CWF19L2: variants seen among roughly 807,000 people sequenced by gnomAD.
The protein encoded by CWF19L2 is CWF19 like cell cycle control factor 2, also known as CWF19-like protein 2.
Under a neutral mutation model 111.7 loss-of-function variants are expected in CWF19L2, and 98 were observed. The ratio of observed to expected loss-of-function variants is 0.88; its 90% CI spans 0.75 to 1.04. The LOEUF is 1.04. CWF19L2 is among the 50% of genes least tolerant of loss of function. CWF19L2 has a pLI of 0.00. For missense variants in CWF19L2, 1,101 were observed against 1,051.4 expected, an observed-to-expected ratio of 1.05 and a Z score of -0.65; for synonymous variants, 351 against 342.9, an observed-to-expected ratio of 1.02 and a Z score of -0.26.
intron 12 of CWF19L2, among the ~76,000 whole-genome samples, chr11:107,356,939 G>A (rs1177275879): frequency 6.6e-6 from 1 of 152,310 alleles, no homozygotes; most frequent in East Asian, 1.9e-4. Context: ...TCAGGAGGCT[G>A]AGGCAGGAGA....
intron 12 of CWF19L2, among the ~76,000 whole-genome samples, chr11:107,386,271 C>A (rs1424396715): frequency 1.3e-5 from 2 of 152,120 alleles, no homozygotes; most frequent in Non-Finnish European, 2.9e-5. Flanking sequence ...ACCTTGGCCT[C>A]CCAAAGTGCT....
intron 1 of CWF19L2, among the ~76,000 whole-genome samples, chr11:107,456,555 G>A (rs1290243157): frequency 6.6e-6 from 1 of 151,346 alleles, no homozygotes; most frequent in Non-Finnish European, 1.5e-5. Flanking sequence ...TTTAAAACCT[G>A]GCTGTAGTCA....
chr11:107,434,278 A>C lies in CWF19L2; in HGVS notation c.665-529T>G, dbSNP rs141318122. Among the ~76,000 whole-genome samples, 34 of 152,266 alleles carry C rather than the reference A, an allele frequency of 2.2e-4. No homozygotes were observed. The East Asian group carries it at 6.6e-3, about 29-fold the overall frequency. ...ACAAATAAGGAGGCTATGGAAGATAATGCCAAAGTGGATGTTAAAACAAAT... is the reference window on the plus strand; with the variant it reads ...ACAAATAAGGAGGCTATGGAAGATACTGCCAAAGTGGATGTTAAAACAAAT... On this transcript the variant is annotated intron_variant, in intron 6 of 17. Transcript: ENST00000282251.
At chr11:107,380,099 ACT>A (rs1362919614) in intron 12 of CWF19L2, among the ~76,000 whole-genome samples, 1 of 149,532 alleles carries the variant, frequency 6.7e-6, no homozygotes, top group Admixed American at 6.7e-5. Flanking sequence ...TTGAATAAAA[ACT>A]CTATGAAAAC....
intron 3 of CWF19L2, among the ~76,000 whole-genome samples, chr11:107,444,671 G>A (rs1345958102): frequency 6.6e-6 from 1 of 152,072 alleles, no homozygotes; most frequent in Non-Finnish European, 1.5e-5. Flanking sequence ...CAGTTGGATG[G>A]CATGCTAAAC....
intron 12 of CWF19L2, among the ~76,000 whole-genome samples, chr11:107,354,792 G>T (rs536058144): frequency 1.3e-5 from 2 of 152,296 alleles, no homozygotes; most frequent in South Asian, 4.1e-4. Context: ...CAGTTATTCT[G>T]TCCTTGGCAT....
rs767099135 is a variant in CWF19L2, at chr11:107,402,871, G to GTATATATA, written c.1618-9977_1618-9976insTATATATA. Among the ~76,000 whole-genome samples the GTATATATA allele has an allele frequency of 5.1e-3, 290 of 57,064 alleles. 29 individuals carry two copies. The highest frequency in any genetic ancestry group is 0.012 in the Admixed American group (53 of 4,460). 37.4% of individuals were successfully genotyped at this position (57,064 alleles called of 152,430 possible). On this transcript the variant is annotated intron_variant, in intron 10 of 17. Transcript: ENST00000282251. The stretch of plus-strand genomic sequence containing the variant: ...AACGAGTGGATAAACAAACTGTGGT[G>GTATATATA]TGTATATATATATATATATATATAT...
intron 14 of CWF19L2, among the ~76,000 whole-genome samples, chr11:107,344,317 T>C (rs1004756031): frequency 2.0e-5 from 3 of 152,212 alleles, no homozygotes; most frequent in African/African-American, 7.2e-5. Context: ...AGTCAAAACT[T>C]CTTTCCTCCT....
At chr11:107,387,049 T>TC (rs1860777328) in intron 12 of CWF19L2, among the ~76,000 whole-genome samples, 1 of 148,022 alleles carries the variant, frequency 6.8e-6, no homozygotes, top group South Asian at 2.1e-4. Context: ...CGAGACCCCG[T>TC]CTCAAAAAAA....
chr11:107,348,027 CAA>C (rs1018249983), intron 14 of CWF19L2, among the ~76,000 whole-genome samples: 8 of 152,172 alleles, frequency 5.3e-5, no homozygotes, highest in African/African-American at 1.7e-4. Context: ...TAGGAAAACG[CAA>C]ACTTTCACAT....
Position 107,390,218 on chromosome 11 carries a change from C to T in CWF19L2, c.1735-7G>A, listed in dbSNP as rs1490587045. On this transcript the variant is annotated splice_polypyrimidine_tract_variant and splice_region_variant and intron_variant, in intron 11 of 17. Coordinates refer to ENST00000282251, the MANE Select transcript of CWF19L2 (RefSeq NM_152434.3). The stretch of plus-strand genomic sequence containing the variant: ...TTTCCTCATGGGTTGAAACCTATGA[C>T]AAAATGAACATTATTAATTTAATGA... 1.9e-6 allele frequency: 3 copies of T among 1,578,044 alleles called. No homozygotes were observed. Among genetic ancestry groups the T allele is most frequent in the East Asian group, 4.5e-5 (2 of 44,148 alleles).
intron 5 of CWF19L2, among the ~76,000 whole-genome samples, chr11:107,441,233 AGTTCACTTTCAATTTAATGATAT>A (rs934629377): frequency 6.6e-6 from 1 of 152,234 alleles, no homozygotes; most frequent in African/African-American, 2.4e-5. Flanking sequence ...AAATTGAGTG[AGTTCACTTTCAATTTAATGATAT>A]TAAACTCAAT....
intron 10 of CWF19L2, among the ~76,000 whole-genome samples, chr11:107,398,105 T>C (rs899061631): frequency 2.0e-5 from 3 of 152,118 alleles, no homozygotes; most frequent in African/African-American, 7.2e-5. Flanking sequence ...CCTGGTAATA[T>C]GACAAAACAA....
chr11:107,417,463 C>T (rs989948028), intron 9 of CWF19L2, among the ~76,000 whole-genome samples: 1 of 152,156 alleles, frequency 6.6e-6, no homozygotes, highest in African/African-American at 2.4e-5. Flanking sequence ...AGGCACAGCA[C>T]ATTTACTTAA....
intron 12 of CWF19L2, among the ~76,000 whole-genome samples, chr11:107,361,514 T>C (rs181083497): frequency 3.3e-5 from 5 of 152,288 alleles, no homozygotes; most frequent in Non-Finnish European, 7.4e-5. Flanking sequence ...CTGTGAAAAA[T>C]GCTGTTGGTA....
rs754780873 is a variant in CWF19L2 at position 107,428,971 on chromosome 11, G to A, written c.1261C>T (p.Arg421Cys). 31 of 1,613,546 alleles carry A rather than the reference G, an allele frequency of 1.9e-5. No homozygotes were observed. In the East Asian group the frequency reaches 2.0e-4, roughly 10 times the overall value. ...TTCTTGTCTCCTCTCCCATCAGAGC[G>A]ACTCCATGATGTTAATCTTTCTTCA... ...NSEERLTSWS[R>C]SDGRGDKKHS... Residue 421 changes from arginine to cysteine, a missense_variant, in exon 8 of 18, where the codon CGC becomes TGC. Physicochemically the swap from Arg to Cys is radical, Grantham distance 180. Coordinates refer to ENST00000282251, the MANE Select transcript of CWF19L2 (RefSeq NM_152434.3).
At chr11:107,404,875 T>C (rs1189357655) in intron 10 of CWF19L2, among the ~76,000 whole-genome samples, 1 of 152,194 alleles carries the variant, frequency 6.6e-6, no homozygotes, top group Non-Finnish European at 1.5e-5. Flanking sequence ...TTCTGTTCCT[T>C]AGGCCTGCCA....
intron 12 of CWF19L2, among the ~76,000 whole-genome samples, chr11:107,363,334 T>C (rs1163501734): frequency 3.9e-5 from 6 of 152,002 alleles, no homozygotes; most frequent in African/African-American, 1.4e-4. Context: ...GCCACAAAGA[T>C]ACTCCTCGAG....
chr11:107,386,775 G>A (rs1860772574), intron 12 of CWF19L2, among the ~76,000 whole-genome samples: 1 of 152,070 alleles, frequency 6.6e-6, no homozygotes, highest in Non-Finnish European at 1.5e-5. Flanking sequence ...CTAACACAGG[G>A]CTAGGCGCAG....
Sources: gnomAD v4.1 joint callset for allele counts (sites outside exome capture counted in the v4.1 genomes callset) on GRCh38, gnomAD v4.1.1 for gene constraint, MANE v1.5 for transcripts, NCBI Gene and HGNC (gene_info 2026-07-23, HGNC 2026-07-21) for gene names.